Variants in SPATA16 observed in about 807,000 individuals in gnomAD.
SPATA16 encodes the protein spermatogenesis associated 16.
SPATA16 carries 36 observed loss-of-function variants against 63.3 expected under a neutral mutation model. The ratio of observed to expected loss-of-function variants is 0.57; its 90% CI spans 0.44 to 0.75. The LOEUF is 0.75. Ranked by LOEUF, SPATA16 falls within the 30% of genes least tolerant of loss-of-function variation. The pLI, the probability that SPATA16 is intolerant of heterozygous loss-of-function variation, is 0.00. For missense variants in SPATA16, 646 were observed against 679.3 expected (o/e 0.95, Z 0.54); for synonymous variants, 203 against 216.7 (o/e 0.94, Z 0.56).
intron 3 of SPATA16, among the ~76,000 whole-genome samples, chr3:173,021,231 C>G (rs562632): frequency 0.21 from 31,632 of 152,064 alleles, 4,338 homozygotes; most frequent in African/African-American, 0.38. Context: ...TAGAGGAAGA[C>G]GGAACTTTCT....
intron 2 of SPATA16, among the ~76,000 whole-genome samples, chr3:173,090,347 G>A (rs978265655): frequency 6.6e-6 from 1 of 152,098 alleles, no homozygotes; most frequent in African/African-American, 2.4e-5. Flanking sequence ...GGCTTCCCCA[G>A]AAGCCAATGC....
intron 2 of SPATA16, among the ~76,000 whole-genome samples, chr3:173,077,396 C>A (rs1577162865): frequency 6.6e-6 from 1 of 152,052 alleles, no homozygotes; most frequent in African/African-American, 2.4e-5. Context: ...ATAAAGGGAT[C>A]GGAATTCCTG....
At chr3:172,889,715 A>G in intron 10 of SPATA16, 23 bp from the exon 11 acceptor site, 1 of 1,611,190 alleles carries the variant, frequency 6.2e-7, no homozygotes, top group Non-Finnish European at 8.5e-7. Context: ...AACAGATGCA[A>G]CAAGATTTGT....
At position 172,964,312 on chromosome 3, in the gene SPATA16, AT is replaced by A. The variant is rs546085761; in HGVS notation, c.934-7489del. Among the ~76,000 whole-genome samples the A allele has an allele frequency of 3.7e-4, 57 of 152,342 alleles. No individual in the cohort carries two copies. In the East Asian group the frequency reaches 0.011, roughly 29 times the overall value. On this transcript the variant is annotated intron_variant, in intron 5 of 10. Coordinates refer to ENST00000351008, the MANE Select transcript of SPATA16 (RefSeq NM_031955.6). ...TTTAATGGCAAAACATATATAACTTATAAATAGAACTTAAAGTATGTTCTTG... is the reference window on the plus strand; with the variant it reads ...TTTAATGGCAAAACATATATAACTTAAAATAGAACTTAAAGTATGTTCTTG...
rs778578384 is a variant in SPATA16, at chr3:172,924,293, G to T, written c.1253C>A (p.Thr418Asn). Residue 418 changes from threonine to asparagine, a missense_variant, in exon 8 of 11, where the codon ACC becomes AAC. Coordinates refer to ENST00000351008, the MANE Select transcript of SPATA16 (RefSeq NM_031955.6). Reference sequence around the variant, plus strand: ...CATTTGCCTCACTGTATCTTCTCTGGTCAGACCGAAAGGTGTTTTATGCTC... The same window carrying T: ...CATTTGCCTCACTGTATCTTCTCTGTTCAGACCGAAAGGTGTTTTATGCTC... ...FTEHKTPFGL[T>N]REDTVRQMET... 1.2e-6 allele frequency: 2 copies of T among 1,613,142 alleles called. No homozygotes were observed. Among genetic ancestry groups the T allele is most frequent in the East Asian group, 4.5e-5 (2 of 44,816 alleles).
chr3:173,100,321 C>A (rs17828598), intron 2 of SPATA16, among the ~76,000 whole-genome samples: 3,504 of 152,066 alleles, frequency 0.023, 66 homozygotes, highest in Non-Finnish European at 0.036. Flanking sequence ...TAATTTGAGG[C>A]TAGTATTAGG....
At chr3:173,074,648 A>G (rs1258923674) in intron 2 of SPATA16, among the ~76,000 whole-genome samples, 3 of 152,114 alleles carry the variant, frequency 2.0e-5, no homozygotes, top group Admixed American at 6.5e-5. Context: ...AGTCTCGGGT[A>G]TATCTTTATC....
chr3:172,964,439 T>C (rs963443039), intron 5 of SPATA16, among the ~76,000 whole-genome samples: 3 of 152,142 alleles, frequency 2.0e-5, no homozygotes, highest in Non-Finnish European at 4.4e-5. Context: ...TCCATACTCT[T>C]TAGGATGCCA....
intron 2 of SPATA16, among the ~76,000 whole-genome samples, chr3:173,103,799 G>A (rs547084184): frequency 6.6e-6 from 1 of 152,218 alleles, no homozygotes; most frequent in Non-Finnish European, 1.5e-5. Context: ...CTAACAAGTG[G>A]TTGCTCTGCA....
chr3:172,899,685 T>C (rs1239741349), intron 10 of SPATA16, among the ~76,000 whole-genome samples: 1 of 152,090 alleles, frequency 6.6e-6, no homozygotes, highest in Non-Finnish European at 1.5e-5. Context: ...TTTCTTTGGT[T>C]GTTGCTTGTT....
intron 4 of SPATA16, among the ~76,000 whole-genome samples, chr3:173,012,069 C>G (rs1735085987): frequency 6.6e-6 from 1 of 152,190 alleles, no homozygotes; most frequent in Non-Finnish European, 1.5e-5. Flanking sequence ...GAGTGATCCT[C>G]CCATTTCGGC....
chr3:173,027,746 C>T (rs184147826), intron 3 of SPATA16, among the ~76,000 whole-genome samples: 6 of 151,966 alleles, frequency 3.9e-5, no homozygotes, highest in African/African-American at 1.4e-4. Flanking sequence ...CTCTCTTTAT[C>T]TCTTCCCCAA....
At chr3:172,956,520 A>G (rs1470948458) in intron 6 of SPATA16, among the ~76,000 whole-genome samples, 157 bp downstream of exon 6, 3 of 152,190 alleles carry the variant, frequency 2.0e-5, no homozygotes, top group Admixed American at 6.6e-5. Flanking sequence ...GGCTATCCTT[A>G]TTTAAAACCT....
At chr3:173,086,456 T>C (rs1737055664) in intron 2 of SPATA16, among the ~76,000 whole-genome samples, 1 of 152,166 alleles carries the variant, frequency 6.6e-6, no homozygotes, top group Non-Finnish European at 1.5e-5. Context: ...GCTAGTAGTC[T>C]ATCTATTCCA....
At chr3:173,086,338 T>C (rs192286865) in intron 2 of SPATA16, among the ~76,000 whole-genome samples, 1 of 152,294 alleles carries the variant, frequency 6.6e-6, no homozygotes, top group African/African-American at 2.4e-5. Flanking sequence ...GTTTATAGTA[T>C]TCTCTCTGAC....
intron 3 of SPATA16, among the ~76,000 whole-genome samples, chr3:173,021,932 G>A (rs1030474217): frequency 8.6e-5 from 13 of 151,982 alleles, no homozygotes; most frequent in African/African-American, 1.9e-4. Context: ...TTGCTTTGCC[G>A]AGCTATTCTC....
chr3:172,983,875 A>G (rs1409419497), intron 4 of SPATA16, among the ~76,000 whole-genome samples: 3 of 152,056 alleles, frequency 2.0e-5, no homozygotes, highest in Non-Finnish European at 4.4e-5. Flanking sequence ...CCAACCTCCT[A>G]TGGTAGCCTA....
At chr3:173,003,151 T>A (rs923425676) in intron 4 of SPATA16, among the ~76,000 whole-genome samples, 1 of 152,114 alleles carries the variant, frequency 6.6e-6, no homozygotes, top group African/African-American at 2.4e-5. Flanking sequence ...TACCAAAAAT[T>A]ATTAGAACTG....
intron 6 of SPATA16, among the ~76,000 whole-genome samples, chr3:172,947,786 G>A (rs879751731): frequency 3.8e-4 from 58 of 151,934 alleles, no homozygotes; most frequent in Non-Finnish European, 7.5e-4. Context: ...CGGGGAGTGA[G>A]GGGCAAGGGG....
Sources: gnomAD v4.1 joint callset for allele counts (sites outside exome capture counted in the v4.1 genomes callset) on GRCh38, gnomAD v4.1.1 for gene constraint, MANE v1.5 for transcripts, NCBI Gene and HGNC (gene_info 2026-07-23, HGNC 2026-07-21) for gene names.